The following ADGRB3 variants were observed in gnomAD, a reference collection of about 807,000 sequenced individuals.
The protein encoded by ADGRB3 is adhesion G protein-coupled receptor B3.
A neutral mutation model predicts 193.4 loss-of-function variants in ADGRB3; 37 were observed. The observed-to-expected ratio is 0.19, with a 90% CI of 0.15 to 0.25. The LOEUF (loss-of-function observed/expected upper bound fraction) is 0.25. Ranked by LOEUF, ADGRB3 falls within the 10% of genes least tolerant of loss-of-function variation. ADGRB3 has a pLI of 1.00. For missense variants in ADGRB3, 1,637 were observed against 1,852.9 expected (o/e 0.88, Z 2.14); for synonymous variants, 690 against 644.2 (o/e 1.07, Z -1.08).
chr6:69,268,253 A>G (rs185759809), intron 20 of ADGRB3, among the ~76,000 whole-genome samples: 2 of 152,238 alleles, frequency 1.3e-5, no homozygotes, highest in African/African-American at 4.8e-5. Flanking sequence ...TTCGTAATTC[A>G]CAATTATAAT....
At chr6:68,896,740 A>C (rs574959410) in intron 3 of ADGRB3, among the ~76,000 whole-genome samples, 1 of 152,280 alleles carries the variant, frequency 6.6e-6, no homozygotes, top group African/African-American at 2.4e-5. Flanking sequence ...AAAGAAAAGT[A>C]GCATTCTAAA....
intron 3 of ADGRB3, among the ~76,000 whole-genome samples, chr6:68,855,694 A>G (rs946173086): frequency 1.3e-5 from 2 of 152,170 alleles, no homozygotes; most frequent in African/African-American, 2.4e-5. Flanking sequence ...ATTTAATTGT[A>G]TTGCCCAATA....
intron 3 of ADGRB3, among the ~76,000 whole-genome samples, chr6:68,766,722 C>T (rs1266559879): frequency 6.6e-6 from 1 of 151,966 alleles, no homozygotes; most frequent in Non-Finnish European, 1.5e-5. Context: ...TTGTCCCACT[C>T]TTCATGAGAA....
chr6:69,329,137 A>C (rs915213299), intron 22 of ADGRB3, among the ~76,000 whole-genome samples: 1 of 151,962 alleles, frequency 6.6e-6, no homozygotes, highest in South Asian at 2.1e-4. Context: ...CCTCAGTTTG[A>C]AGATTAGTTT....
chr6:69,039,992 G>A (rs1223023866), intron 13 of ADGRB3, among the ~76,000 whole-genome samples: 7 of 151,878 alleles, frequency 4.6e-5, no homozygotes, highest in South Asian at 2.1e-4. Flanking sequence ...CGCCCGCCTC[G>A]GCCTCCCAAA....
intron 3 of ADGRB3, among the ~76,000 whole-genome samples, chr6:68,811,002 T>A (rs1389975901): frequency 1.3e-5 from 2 of 152,146 alleles, no homozygotes; most frequent in Non-Finnish European, 2.9e-5. Flanking sequence ...AACATGCTTT[T>A]TGATTATTTA....
At chr6:68,991,064 A>G (rs184800402) in intron 10 of ADGRB3, among the ~76,000 whole-genome samples, 83 of 152,094 alleles carry the variant, frequency 5.5e-4, no homozygotes, top group Admixed American at 4.1e-3. Context: ...GTGCAGCTAG[A>G]GCACCAGACG....
chr6:69,052,548 A>G (rs1771429100), intron 15 of ADGRB3, among the ~76,000 whole-genome samples: 1 of 152,148 alleles, frequency 6.6e-6, no homozygotes, highest in South Asian at 2.1e-4. Flanking sequence ...TGGTATAATA[A>G]TTTTCATAAT....
intron 20 of ADGRB3, among the ~76,000 whole-genome samples, chr6:69,265,991 C>A (rs1481130566): frequency 1.3e-5 from 2 of 151,952 alleles, no homozygotes; most frequent in Non-Finnish European, 2.9e-5. Flanking sequence ...CACTCGAATT[C>A]TTTCAGAAAG....
intron 20 of ADGRB3, among the ~76,000 whole-genome samples, chr6:69,286,285 T>C (rs1767549752): frequency 6.6e-6 from 1 of 152,120 alleles, no homozygotes; most frequent in African/African-American, 2.4e-5. Flanking sequence ...TCTCTCTCCC[T>C]CATCTGATCT....
At chr6:69,253,901 T>C (rs1766685785) in intron 20 of ADGRB3, among the ~76,000 whole-genome samples, 1 of 152,116 alleles carries the variant, frequency 6.6e-6, no homozygotes, top group African/African-American at 2.4e-5. Context: ...TGAGCCATTT[T>C]TTTCTTTAGG....
intron 13 of ADGRB3, among the ~76,000 whole-genome samples, chr6:69,031,001 CTTTCTTTTCT>C (rs1187245391): frequency 1.8e-5 from 1 of 54,276 alleles, no homozygotes; most frequent in Non-Finnish European, 3.6e-5. Context: ...CTTTCTTTTC[CTTTCTTTTCT>C]TTTCTTTTTT....
intron 17 of ADGRB3, among the ~76,000 whole-genome samples, chr6:69,161,679 T>C (rs1022209176): frequency 6.6e-6 from 1 of 152,158 alleles, no homozygotes; most frequent in Non-Finnish European, 1.5e-5. Flanking sequence ...GCAATCAATG[T>C]GTCAGCTAGG....
At chr6:68,976,808 C>A (rs1768762477) in intron 10 of ADGRB3, among the ~76,000 whole-genome samples, 1 of 151,978 alleles carries the variant, frequency 6.6e-6, no homozygotes, top group South Asian at 2.1e-4. Context: ...ACAAAATCTG[C>A]ATGTAAGTGG....
intron 17 of ADGRB3, among the ~76,000 whole-genome samples, chr6:69,141,397 A>G (rs1261628726): frequency 1.3e-5 from 2 of 152,312 alleles, no homozygotes; most frequent in Admixed American, 1.3e-4. Flanking sequence ...TGCTGGGATT[A>G]CAGGCATGAG....
At chr6:68,890,203 C>T (rs922989558) in intron 3 of ADGRB3, among the ~76,000 whole-genome samples, 3 of 152,200 alleles carry the variant, frequency 2.0e-5, no homozygotes, top group Non-Finnish European at 4.4e-5. Flanking sequence ...AGCCATACTT[C>T]ATCTTGAGCT....
intron 17 of ADGRB3, among the ~76,000 whole-genome samples, chr6:69,136,418 T>A (rs1567660): frequency 6.6e-6 from 1 of 151,928 alleles, no homozygotes; most frequent in Non-Finnish European, 1.5e-5. Flanking sequence ...AATAAGCTCT[T>A]CTTTATATGT....
chr6:69,003,899 A>G (rs1031540340), intron 11 of ADGRB3, among the ~76,000 whole-genome samples: 8 of 152,210 alleles, frequency 5.3e-5, no homozygotes, highest in Non-Finnish European at 7.3e-5. Context: ...AGAGAGGTAA[A>G]GTAGTTTTAA....
chr6:68,645,050 A>G (rs1489851179), intron 3 of ADGRB3, among the ~76,000 whole-genome samples: 1 of 152,080 alleles, frequency 6.6e-6, no homozygotes, highest in East Asian at 1.9e-4. Flanking sequence ...TTTTTTCCAT[A>G]TATCTAATTT....
Sources: gnomAD v4.1 joint callset for allele counts (sites outside exome capture counted in the v4.1 genomes callset) on GRCh38, gnomAD v4.1.1 for gene constraint, MANE v1.5 for transcripts, NCBI Gene and HGNC (gene_info 2026-07-23, HGNC 2026-07-21) for gene names.